SETBP1: variants seen among roughly 807,000 people sequenced by gnomAD.
The protein encoded by SETBP1 is SET binding protein 1, also known as SET-binding protein.
SETBP1 carries 9 observed loss-of-function variants against 101.0 expected under a neutral mutation model. The ratio of observed to expected loss-of-function variants is 0.09; its 90% CI spans 0.05 to 0.16. The LOEUF (loss-of-function observed/expected upper bound fraction) is 0.16, where lower values mean the gene tolerates loss of function less well. SETBP1 is among the 10% of genes least tolerant of loss of function. The pLI is 1.00. For missense variants in SETBP1, 1,858 were observed against 2,033.8 expected, an observed-to-expected ratio of 0.91 and a Z score of 1.66; for synonymous variants, 818 against 788.5, an observed-to-expected ratio of 1.04 and a Z score of -0.63.
chr18:44,913,995 T>A (rs565285074), intron 3 of SETBP1, among the ~76,000 whole-genome samples: 3 of 152,202 alleles, frequency 2.0e-5, no homozygotes, highest in Admixed American at 1.3e-4. Context: ...AATGCAGGAC[T>A]CAGGATGAGG....
chr18:44,991,404 T>C (rs1031343312), intron 4 of SETBP1, among the ~76,000 whole-genome samples: 2 of 152,078 alleles, frequency 1.3e-5, no homozygotes, highest in Non-Finnish European at 1.5e-5. Context: ...GTAAAACATA[T>C]ACCTAAAATA....
chr18:44,785,717 C>G (rs2071226291), intron 2 of SETBP1, among the ~76,000 whole-genome samples: 1 of 152,156 alleles, frequency 6.6e-6, no homozygotes, highest in Admixed American at 6.5e-5. Context: ...CCTTCGTTAT[C>G]TCTTGATTGA....
At chr18:44,896,706 T>C (rs1221944778) in intron 3 of SETBP1, among the ~76,000 whole-genome samples, 1 of 152,118 alleles carries the variant, frequency 6.6e-6, no homozygotes, top group Admixed American at 6.6e-5. Flanking sequence ...GTCAGGATGA[T>C]CTCGGCCTCC....
At chr18:44,723,097 A>G (rs2069634940) in intron 2 of SETBP1, among the ~76,000 whole-genome samples, 2 of 152,318 alleles carry the variant, frequency 1.3e-5, no homozygotes, top group South Asian at 4.1e-4. Context: ...AACTCCCACA[A>G]GCTTAGTGTT....
intron 3 of SETBP1, chr18:44,877,136 G>A: frequency 1.0e-6 from 1 of 995,282 alleles, no homozygotes. Context: ...GCTATACAGA[G>A]TATGGGCTCC....
intron 4 of SETBP1, chr18:44,970,240 C>A (rs1402824374): frequency 6.5e-6 from 1 of 154,654 alleles, no homozygotes; most frequent in Non-Finnish European, 1.5e-5. Flanking sequence ...AGAGACTGAC[C>A]AAAGAGATCC....
Position 44,701,586 on chromosome 18 carries a change from G to T in SETBP1, c.240G>T (p.Trp80Cys). The T allele has an allele frequency of 6.2e-7, 1 of 1,614,206 alleles. No individual in the cohort carries two copies. The highest frequency in any genetic ancestry group is 8.5e-7 in the Non-Finnish European group (1 of 1,180,034). The stretch of plus-strand genomic sequence containing the variant: ...ACTCCAACGCGGACAGTGAGAAATG[G>T]GTGGCAGGAGATGGTTTGGAAGAGC... ...DSNSNADSEK[W>C]VAGDGLEEQE... The change falls in exon 2 of 6, where the codon TGG becomes TGT. Residue 80 changes from tryptophan to cysteine, a missense_variant. Trp to Cys is a radical substitution (Grantham distance 215, BLOSUM62 -2). Coordinates refer to ENST00000649279, the MANE Select transcript of SETBP1 (RefSeq NM_015559.3).
chr18:44,907,558 T>C (rs988509485), intron 3 of SETBP1, among the ~76,000 whole-genome samples: 1 of 152,226 alleles, frequency 6.6e-6, no homozygotes, highest in Non-Finnish European at 1.5e-5. Context: ...CTAGAAGGTA[T>C]GAAGTGGCAT....
intron 1 of SETBP1, among the ~76,000 whole-genome samples, chr18:44,687,548 A>C (rs2068858785): frequency 6.6e-6 from 1 of 152,196 alleles, no homozygotes; most frequent in Admixed American, 6.5e-5. Flanking sequence ...GGTGAGCTGA[A>C]TGTGAGGACA....
Position 44,953,358 on chromosome 18 carries a change from C to A in SETBP1, c.4000+18C>A. On this transcript the variant is annotated intron_variant, in intron 4 of 5. Transcript: ENST00000649279. ...GTCTCCAGGTAAGGCTGTTTTTCTT[C>A]AGAAATGGATTATCAAGTTATTTCA... is the stretch of plus-strand genomic sequence containing the variant. The A allele has an allele frequency of 6.2e-7, 1 of 1,601,744 alleles. No individual in the cohort carries two copies. The highest frequency in any genetic ancestry group is 8.5e-7 in the Non-Finnish European group (1 of 1,170,158).
intron 2 of SETBP1, among the ~76,000 whole-genome samples, chr18:44,825,152 A>G (rs1284915894): frequency 3.3e-5 from 5 of 152,228 alleles, no homozygotes; most frequent in African/African-American, 9.6e-5. Flanking sequence ...TTAGACTGGG[A>G]TAGATCTTAG....
At chr18:44,839,353 G>T (rs1301861897) in intron 2 of SETBP1, among the ~76,000 whole-genome samples, 1 of 152,224 alleles carries the variant, frequency 6.6e-6, no homozygotes, top group Admixed American at 6.5e-5. Context: ...GCAGACTGGT[G>T]TGTGAATGGG....
chr18:45,063,155 C>A lies in SETBP1; in HGVS notation c.4248C>A (p.Asn1416Lys). 6.2e-7 allele frequency: 1 copy of A among 1,614,016 alleles called. No individual in the cohort carries two copies. The highest frequency in any genetic ancestry group is 8.5e-7 in the Non-Finnish European group (1 of 1,180,012). Reference protein sequence around the residue: ...AIQCEVRKMCNYTKILSTKKN... With the variant: ...AIQCEVRKMCKYTKILSTKKN... Reference sequence around the variant, plus strand: ...AGTGCGAAGTGCGGAAGATGTGCAACTACACCAAGATCCTGTCCACCAAGA... The same window carrying A: ...AGTGCGAAGTGCGGAAGATGTGCAAATACACCAAGATCCTGTCCACCAAGA... Residue 1416 changes from asparagine (N) to lysine (K), a missense_variant, in exon 6 of 6, where the codon AAC becomes AAA. Transcript: ENST00000649279.
chr18:44,721,939 A>G (rs553699865), intron 2 of SETBP1, among the ~76,000 whole-genome samples: 1 of 146,808 alleles, frequency 6.8e-6, no homozygotes, highest in South Asian at 2.2e-4. Flanking sequence ...CTCCCCACCG[A>G]AGCAAATCTT....
rs1353659295 is a variant in SETBP1, at chr18:44,701,683, G to T, written c.337G>T (p.Ala113Ser). Residue 113 changes from alanine (A) to serine (S), a missense_variant, in exon 2 of 6, where the codon GCT (alanine) becomes TCT (serine). Around this residue, in one of 12 missense-constraint regions of SETBP1, gnomAD observed 28 missense variants for 59.2 expected, o/e 0.47. Transcript: ENST00000649279. ...LKLKIQTTKR[A>S]KKPPKNLENY... ...GCTAAAGATTCAGACCACAAAGCGG[G>T]CTAAGAAACCCCCAAAGAATTTGGA... The T allele has an allele frequency of 6.2e-7, 1 of 1,614,064 alleles. No individual in the cohort carries two copies. The highest frequency in any genetic ancestry group is 8.5e-7 in the Non-Finnish European group (1 of 1,180,044).
intron 2 of SETBP1, among the ~76,000 whole-genome samples, chr18:44,735,593 G>C (rs149903697): frequency 3.9e-5 from 6 of 152,136 alleles, no homozygotes; most frequent in Non-Finnish European, 8.8e-5. Flanking sequence ...TGGCTTAGGC[G>C]GGGGTACCTA....
At chr18:44,785,528 A>G (rs965494496) in intron 2 of SETBP1, among the ~76,000 whole-genome samples, 1 of 152,194 alleles carries the variant, frequency 6.6e-6, no homozygotes, top group Non-Finnish European at 1.5e-5. Context: ...TCTTTTGAGC[A>G]TTAAGGAAGC....
At chr18:44,733,294 T>C (rs1012536695) in intron 2 of SETBP1, 1 of 152,192 alleles carries the variant, frequency 6.6e-6, no homozygotes, top group Non-Finnish European at 1.5e-5. Flanking sequence ...GTTGGGGATG[T>C]CAGTGGAAAA....
At chr18:45,007,633 C>T (rs2072756719) in intron 4 of SETBP1, among the ~76,000 whole-genome samples, 1 of 152,172 alleles carries the variant, frequency 6.6e-6, no homozygotes, top group African/African-American at 2.4e-5. Context: ...TTTTCCATTT[C>T]CCAGTTTTCC....
Sources: gnomAD v4.1 joint callset for allele counts (sites outside exome capture counted in the v4.1 genomes callset) on GRCh38, gnomAD v4.1.1 for gene constraint, gnomAD v4.1.1 regional missense constraint, MANE v1.5 for transcripts, NCBI Gene and HGNC (gene_info 2026-07-23, HGNC 2026-07-21) for gene names.